Variants in PDE11A observed in about 807,000 individuals in gnomAD.
PDE11A encodes phosphodiesterase 11A.
A neutral mutation model predicts 100.5 loss-of-function variants in PDE11A; 100 were observed. The ratio of observed to expected loss-of-function variants is 1.00; its 90% confidence interval spans 0.85 to 1.18. The LOEUF is 1.18. Among genes scored for constraint, PDE11A ranks in the 50% most tolerant of loss-of-function variants. The pLI, the probability that PDE11A is intolerant of heterozygous loss-of-function variation, is 0.00. For synonymous variants in PDE11A, 381 were observed against 420.8 expected, an observed-to-expected ratio of 0.91 and a Z score of 1.16; for missense variants, 1,141 against 1,152.6, an observed-to-expected ratio of 0.99 and a Z score of 0.15.
intron 1 of PDE11A, among the ~76,000 whole-genome samples, chr2:178,055,645 T>C (rs2086890619): frequency 6.6e-6 from 1 of 152,120 alleles, no homozygotes; most frequent in Admixed American, 6.5e-5. Context: ...CAACTAATAT[T>C]TCTATTGTAA....
rs558715842 is a variant in PDE11A at position 177,867,294 on chromosome 2, G to A, written c.1367+8565C>T. Among the ~76,000 whole-genome samples, 10 of 152,328 alleles carry A rather than the reference G, an allele frequency of 6.6e-5. No individual in the cohort carries two copies. In the South Asian group the frequency reaches 1.0e-3, roughly 16 times the overall value. ...AGCTTCACCAGGGTTGCATGCTTTT[G>A]AGTGATAATGTCCAAGTGGAGTGAG... On this transcript the variant is annotated intron_variant, in intron 5 of 19. Transcript: ENST00000286063.
chr2:177,634,923 A>G (rs2080016177), intron 19 of PDE11A, among the ~76,000 whole-genome samples: 1 of 152,174 alleles, frequency 6.6e-6, no homozygotes, highest in Non-Finnish European at 1.5e-5. Flanking sequence ...CTTGCTCCTC[A>G]GTGAAAGAGA....
intron 2 of PDE11A, among the ~76,000 whole-genome samples, chr2:177,944,082 A>G (rs923964615): frequency 5.9e-5 from 9 of 152,144 alleles, no homozygotes; most frequent in African/African-American, 2.2e-4. Context: ...AAATGATCAG[A>G]GCATGGGACT....
At chr2:177,640,988 G>C (rs2105446864) in intron 19 of PDE11A, among the ~76,000 whole-genome samples, 1 of 152,206 alleles carries the variant, frequency 6.6e-6, no homozygotes, top group Middle Eastern at 3.4e-3. Flanking sequence ...CACAACCCTG[G>C]TTTAGGCTAC....
chr2:177,710,392 G>A (rs1168123759), intron 13 of PDE11A, among the ~76,000 whole-genome samples: 1 of 152,150 alleles, frequency 6.6e-6, no homozygotes, highest in Non-Finnish European at 1.5e-5. Context: ...AGGTGGTTTT[G>A]GAAGACACAA....
chr2:177,845,908 C>CTG (rs2083591331), intron 5 of PDE11A, among the ~76,000 whole-genome samples: 1 of 151,826 alleles, frequency 6.6e-6, no homozygotes, highest in African/African-American at 2.4e-5. Context: ...CAATCGCAGG[C>CTG]ACTCGGCAGG....
At chr2:178,082,688 A>G (rs2087302434) in intron 2 of PDE11A, among the ~76,000 whole-genome samples, 1 of 152,210 alleles carries the variant, frequency 6.6e-6, no homozygotes, top group South Asian at 2.1e-4. Flanking sequence ...GCCCACGTAC[A>G]AAAAAACAGA....
chr2:177,671,694 T>C (rs540919653), intron 17 of PDE11A, among the ~76,000 whole-genome samples: 5 of 152,112 alleles, frequency 3.3e-5, no homozygotes, highest in Non-Finnish European at 7.4e-5. Flanking sequence ...GTTTTGTGTT[T>C]TATTTCCCTG....
chr2:177,747,937 C>A (rs1295642068), intron 10 of PDE11A, among the ~76,000 whole-genome samples: 2 of 152,062 alleles, frequency 1.3e-5, no homozygotes, highest in Non-Finnish European at 2.9e-5. Flanking sequence ...GGTGGCAGAG[C>A]CAGGATTAGA....
chr2:177,705,969 G>A (rs1413212372), intron 13 of PDE11A, among the ~76,000 whole-genome samples: 2 of 152,146 alleles, frequency 1.3e-5, no homozygotes, highest in Non-Finnish European at 2.9e-5. Flanking sequence ...ATAGAGAGAA[G>A]GATGAGTGGG....
chr2:177,761,746 A>G (rs947760282), intron 10 of PDE11A, among the ~76,000 whole-genome samples: 2 of 152,200 alleles, frequency 1.3e-5, no homozygotes, highest in African/African-American at 4.8e-5. Flanking sequence ...CAAACATATA[A>G]AAGGACAGGG....
upstream of PDE11A, among the ~76,000 whole-genome samples, chr2:178,075,916 T>G (rs2087202475): frequency 6.6e-6 from 1 of 152,232 alleles, no homozygotes; most frequent in Non-Finnish European, 1.5e-5. Context: ...TATTTCCCTT[T>G]AGGAAATATA....
chr2:178,105,986 T>C (rs944637346), intron 1 of PDE11A, among the ~76,000 whole-genome samples: 3 of 152,194 alleles, frequency 2.0e-5, no homozygotes, highest in African/African-American at 7.2e-5. Context: ...ACACAAAGAA[T>C]TACTACTACA....
intron 9 of PDE11A, among the ~76,000 whole-genome samples, chr2:177,772,958 CAG>C (rs1258422969): frequency 1.4e-5 from 2 of 138,120 alleles, no homozygotes; most frequent in East Asian, 2.2e-4. Flanking sequence ...TTTTAATAAA[CAG>C]AAGTTTTAAA....
chr2:177,833,395 T>C (rs930547659), intron 6 of PDE11A, among the ~76,000 whole-genome samples: 4 of 152,214 alleles, frequency 2.6e-5, no homozygotes, highest in African/African-American at 9.6e-5. Context: ...CATGAGTTCA[T>C]GTACCTGTGA....
chr2:177,961,349 T>C (rs2085629772), intron 2 of PDE11A, among the ~76,000 whole-genome samples: 1 of 152,142 alleles, frequency 6.6e-6, no homozygotes, highest in Non-Finnish European at 1.5e-5. Context: ...GAGCCTGCCC[T>C]GACACCCCAG....
At chr2:177,941,774 CAG>C (rs1475869198) in intron 2 of PDE11A, among the ~76,000 whole-genome samples, 1 of 152,226 alleles carries the variant, frequency 6.6e-6, no homozygotes, top group Admixed American at 6.5e-5. Flanking sequence ...AGTCAGGACT[CAG>C]AAGATGCAGG....
chr2:178,016,056 C>G (rs1051342911), intron 1 of PDE11A, among the ~76,000 whole-genome samples: 1 of 151,670 alleles, frequency 6.6e-6, no homozygotes, highest in Non-Finnish European at 1.5e-5. Context: ...CCTCCACCTC[C>G]CGGGTTCAAG....
chr2:178,046,248 CT>C (rs1189028352), intron 1 of PDE11A, among the ~76,000 whole-genome samples: 1 of 152,060 alleles, frequency 6.6e-6, no homozygotes, highest in Non-Finnish European at 1.5e-5. Context: ...AGCTCTTCAC[CT>C]GTGTGTTAAT....
Sources: allele counts gnomAD v4.1 joint callset (sites outside exome capture counted in the v4.1 genomes callset), GRCh38; gene constraint gnomAD v4.1.1; transcripts MANE v1.5; gene names NCBI Gene and HGNC (gene_info 2026-07-23, HGNC 2026-07-21).